Variants in LIMA1 observed in about 807,000 individuals in gnomAD.
LIMA1 encodes LIM domain and actin-binding protein 1.
In LIMA1, 52 loss-of-function variants were observed where a neutral mutation model predicts 62.6. That is an observed-to-expected ratio of 0.83 (90% CI 0.67 to 1.05). LIMA1 has a LOEUF of 1.05. Among genes scored for constraint, LIMA1 ranks in the 50% least tolerant of loss-of-function variants. LIMA1 has a pLI of 0.00. For missense variants in LIMA1, 780 were observed against 902.2 expected (o/e 0.86, Z 1.74); for synonymous variants, 302 against 317.8 (o/e 0.95, Z 0.53).
intron 7 of LIMA1, among the ~76,000 whole-genome samples, chr12:50,197,444 CAGCCAAAAGGATAGCTAAGGGTCT>C (rs1940955346): frequency 6.6e-6 from 1 of 151,454 alleles, no homozygotes; most frequent in South Asian, 2.1e-4. Context: ...GCTAGGCAAA[CAGCCAAAAGGATAGCTAAGGGTCT>C]GAAAAACATT....
At chr12:50,194,320 G>A (rs975246686) in intron 8 of LIMA1, among the ~76,000 whole-genome samples, 6 of 145,774 alleles carry the variant, frequency 4.1e-5, no homozygotes, top group African/African-American at 7.7e-5. Flanking sequence ...GTTTTGAGTC[G>A]GAGTCTCGCT....
Position 50,222,463 on chromosome 12 carries a change from T to A in LIMA1, c.188A>T (p.His63Leu). Residue 63 changes from histidine to leucine, a missense_variant, in exon 4 of 11, where the codon CAC (histidine) becomes CTC (leucine). Transcript: ENST00000341247. ...KRSNTENLSQ[H>L]FRKGTLTVLK... Reference sequence around the variant, plus strand: ...CACAGTCAGGGTCCCCTTTCTAAAGTGCTGGGAGAGATTTTCGGTGTTCTA... The same window carrying A: ...CACAGTCAGGGTCCCCTTTCTAAAGAGCTGGGAGAGATTTTCGGTGTTCTA... 1 of 1,614,048 alleles carries A rather than the reference T, an allele frequency of 6.2e-7. No homozygotes were observed. Among genetic ancestry groups the A allele is most frequent in the Non-Finnish European group, 8.5e-7 (1 of 1,179,960 alleles).
intron 1 of LIMA1, among the ~76,000 whole-genome samples, chr12:50,265,935 G>C (rs1942133761): frequency 1.3e-5 from 2 of 151,934 alleles, no homozygotes; most frequent in South Asian, 4.2e-4. Context: ...TTCCCATGGG[G>C]AACCTTCTTC....
chr12:50,261,529 C>T (rs1303927901), intron 1 of LIMA1, among the ~76,000 whole-genome samples: 2 of 152,108 alleles, frequency 1.3e-5, no homozygotes, highest in Non-Finnish European at 2.9e-5. Flanking sequence ...TCTGAAAATG[C>T]TTGAGCCTCC....
At chr12:50,239,444 C>T (rs549395967) in intron 2 of LIMA1, among the ~76,000 whole-genome samples, 1 of 151,206 alleles carries the variant, frequency 6.6e-6, no homozygotes, top group East Asian at 2.0e-4. Context: ...TTAAGACTGG[C>T]CTGGGCAACA....
In LIMA1 at chr12:50,204,536, G is replaced by A. The variant is rs773124975; in HGVS notation, c.864+16C>T. The A allele has an allele frequency of 6.2e-7, 1 of 1,600,150 alleles. No individual in the cohort carries two copies. The highest frequency in any genetic ancestry group is 2.2e-5 in the East Asian group (1 of 44,540). On this transcript the variant is annotated intron_variant, in intron 6 of 10. Coordinates refer to ENST00000341247, the MANE Select transcript of LIMA1 (RefSeq NM_016357.5). The stretch of plus-strand genomic sequence containing the variant: ...TGATGGAATGAATGAATGAATGAAT[G>A]ATGCAGAACACATACTGTATAGTTG...
intron 1 of LIMA1, among the ~76,000 whole-genome samples, chr12:50,254,857 C>T (rs925048525): frequency 2.6e-5 from 4 of 151,724 alleles, no homozygotes; most frequent in Non-Finnish European, 4.4e-5. Context: ...TTCAGGAGTT[C>T]GAGGCCAGCC....
At chr12:50,261,408 T>C (rs750504997) in intron 1 of LIMA1, among the ~76,000 whole-genome samples, 7 of 152,092 alleles carry the variant, frequency 4.6e-5, no homozygotes, top group Non-Finnish European at 1.0e-4. Context: ...GCTTTGCACA[T>C]ATGGATTTTG....
At chr12:50,190,682 ATTTTTTTTTTTTTTT>A (rs762182699) in intron 9 of LIMA1, among the ~76,000 whole-genome samples, 25,798 of 91,450 alleles carry the variant, frequency 0.28, 4,179 homozygotes, top group African/African-American at 0.36. Flanking sequence ...ACCCGGCCTC[ATTTTTTTTTTTTTTT>A]TTTTTTTTTT....
intron 4 of LIMA1, chr12:50,217,689 C>T: frequency 8.3e-6 from 2 of 242,420 alleles, no homozygotes; most frequent in Non-Finnish European, 8.3e-6. Context: ...CGTGGGGCAG[C>T]ACCCGCAGGT....
intron 1 of LIMA1, among the ~76,000 whole-genome samples, chr12:50,263,609 T>C (rs1253944464): frequency 6.6e-6 from 1 of 151,960 alleles, no homozygotes; most frequent in African/African-American, 2.4e-5. Flanking sequence ...ATATTTCTTA[T>C]TGTGGGGTAT....
At chr12:50,197,214 G>A (rs1420969065) in intron 7 of LIMA1, among the ~76,000 whole-genome samples, 1 of 151,886 alleles carries the variant, frequency 6.6e-6, no homozygotes, top group Non-Finnish European at 1.5e-5. Context: ...GGGATTACAG[G>A]TGCCCATTAT....
intron 9 of LIMA1, chr12:50,189,115 C>G (rs1191283977): frequency 6.6e-6 from 1 of 152,286 alleles, no homozygotes; most frequent in Admixed American, 6.5e-5. Context: ...CACCATGACC[C>G]CGCCCATTCT....
chr12:50,262,595 G>A (rs1257193301), intron 1 of LIMA1, among the ~76,000 whole-genome samples: 3 of 151,414 alleles, frequency 2.0e-5, no homozygotes, highest in East Asian at 1.9e-4. Context: ...GCAATATGGC[G>A]AGACCTGTTC....
intron 4 of LIMA1, among the ~76,000 whole-genome samples, chr12:50,212,595 A>G (rs1229313866): frequency 1.3e-5 from 2 of 152,096 alleles, no homozygotes; most frequent in Non-Finnish European, 2.9e-5. Flanking sequence ...TTAGTCTTAC[A>G]ATTAGGAAAA....
intron 9 of LIMA1, among the ~76,000 whole-genome samples, chr12:50,183,088 G>C (rs1940542235): frequency 6.6e-6 from 1 of 152,150 alleles, no homozygotes; most frequent in Non-Finnish European, 1.5e-5. Flanking sequence ...TGTAATCCCA[G>C]TTACTCGGGA....
intron 4 of LIMA1, among the ~76,000 whole-genome samples, chr12:50,212,333 A>G (rs893376108): frequency 1.3e-5 from 2 of 152,146 alleles, no homozygotes; most frequent in African/African-American, 4.8e-5. Context: ...CATCTCACCA[A>G]AGTCAAGGGC....
chr12:50,263,216 ATTTTAT>A (rs1235891843), intron 1 of LIMA1, among the ~76,000 whole-genome samples: 4 of 152,152 alleles, frequency 2.6e-5, no homozygotes, highest in Non-Finnish European at 5.9e-5. Flanking sequence ...AATAGAAACT[ATTTTAT>A]TTTTATCTAC....
chr12:50,242,759 A>G (rs113997818), intron 2 of LIMA1, among the ~76,000 whole-genome samples: 1,696 of 152,246 alleles, frequency 0.011, 28 homozygotes, highest in African/African-American at 0.037. Context: ...TAACCTTTAC[A>G]AGGGATCAAA....
Sources: gnomAD v4.1 joint callset for allele counts (sites outside exome capture counted in the v4.1 genomes callset) on GRCh38, gnomAD v4.1.1 for gene constraint, MANE v1.5 for transcripts, NCBI Gene and HGNC (gene_info 2026-07-23, HGNC 2026-07-21) for gene names.